CNNM1: variants seen among roughly 807,000 people sequenced by gnomAD.
CNNM1 encodes cyclin and CBS domain divalent metal cation transport mediator 1.
Under a neutral mutation model 78.8 loss-of-function variants are expected in CNNM1, and 44 were observed. The observed-to-expected ratio is 0.56, with a 90% confidence interval of 0.44 to 0.72. The LOEUF is 0.72. CNNM1 is among the 30% of genes least tolerant of loss of function. The pLI is 0.00. For missense variants in CNNM1, 1,101 were observed against 1,292.2 expected, an observed-to-expected ratio of 0.85 and a Z score of 2.27; for synonymous variants, 584 against 581.5, an observed-to-expected ratio of 1.00 and a Z score of -0.06.
At chr10:99,343,164 T>C (rs934097440) in intron 1 of CNNM1, among the ~76,000 whole-genome samples, 2 of 152,076 alleles carry the variant, frequency 1.3e-5, no homozygotes, top group Non-Finnish European at 2.9e-5. Flanking sequence ...GGTTTCACCA[T>C]GTTGGCCAGG....
chr10:99,345,882 TG>T (rs1208966287), intron 1 of CNNM1, among the ~76,000 whole-genome samples: 1 of 152,136 alleles, frequency 6.6e-6, no homozygotes, highest in Non-Finnish European at 1.5e-5. Context: ...TTTTAAGAGA[TG>T]GGGGTCTTAC....
At chr10:99,381,005 A>G (rs1431004209) in intron 7 of CNNM1, among the ~76,000 whole-genome samples, 1 of 152,196 alleles carries the variant, frequency 6.6e-6, no homozygotes, top group Non-Finnish European at 1.5e-5. Context: ...CTTTGCTGCA[A>G]TCAGTGCAGC....
chr10:99,332,517 A>G (rs1422960320), intron 1 of CNNM1, among the ~76,000 whole-genome samples: 1 of 152,076 alleles, frequency 6.6e-6, no homozygotes, highest in African/African-American at 2.4e-5. Flanking sequence ...CCCTGTCTCA[A>G]AAAAGAAAGA....
chr10:99,350,398 A>G (rs565835029), intron 1 of CNNM1, among the ~76,000 whole-genome samples: 2 of 152,338 alleles, frequency 1.3e-5, no homozygotes, highest in African/African-American at 4.8e-5. Flanking sequence ...ACAGTTACCA[A>G]AGTGCTGTAG....
intron 6 of CNNM1, among the ~76,000 whole-genome samples, chr10:99,376,608 C>T (rs957014455): frequency 4.6e-5 from 7 of 152,128 alleles, no homozygotes; most frequent in African/African-American, 1.7e-4. Context: ...AAATACCTCA[C>T]CATGGTAGAG....
Position 99,362,261 on chromosome 10 carries a change from G to A in CNNM1, c.1893G>A (p.Glu631=). 3.7e-6 allele frequency: 6 copies of A among 1,613,766 alleles called. No homozygotes were observed. Among genetic ancestry groups the A allele is most frequent in the Non-Finnish European group, 5.1e-6 (6 of 1,179,788 alleles). The change falls in exon 4 of 11, where the codon GAG becomes GAA. Residue 631 remains glutamate (E), a synonymous_variant. Coordinates refer to ENST00000356713, the MANE Select transcript of CNNM1 (RefSeq NM_020348.3). ...VEPFKSLYLS[E]KILLRLLKHP... is the part of the protein sequence containing the mutation. ...CCTTTAAGTCTCTGTACCTTTCGGA[G>A]AAGATCCTGCTCCGGCTCCTGAAAC...
intron 1 of CNNM1, among the ~76,000 whole-genome samples, chr10:99,356,546 C>CAGAAAGAA (rs1371548762): frequency 3.7e-4 from 18 of 48,162 alleles, no homozygotes; most frequent in African/African-American, 8.2e-4. Context: ...GAAAGACAGA[C>CAGAAAGAA]AGACAGACAG....
intron 1 of CNNM1, among the ~76,000 whole-genome samples, chr10:99,354,814 C>T (rs2031075607): frequency 6.6e-6 from 1 of 152,014 alleles, no homozygotes; most frequent in Non-Finnish European, 1.5e-5. Context: ...TACAGTTAGA[C>T]AGGGAAGAGC....
intron 1 of CNNM1, among the ~76,000 whole-genome samples, chr10:99,354,325 G>C (rs897747918): frequency 2.6e-5 from 4 of 152,162 alleles, no homozygotes; most frequent in Non-Finnish European, 5.9e-5. Context: ...GATAATTTTA[G>C]AACCACTGAT....
chr10:99,384,974 C>T (rs1057040207), intron 7 of CNNM1, among the ~76,000 whole-genome samples: 8 of 150,624 alleles, frequency 5.3e-5, no homozygotes, highest in African/African-American at 1.2e-4. Context: ...GAGCCTGAAA[C>T]GAGAATTGCT....
intron 3 of CNNM1, 30 bp downstream of exon 3, chr10:99,361,005 A>G (rs1377330572): frequency 6.4e-7 from 1 of 1,573,388 alleles, no homozygotes; most frequent in South Asian, 1.2e-5. Flanking sequence ...CAGAGAAGCT[A>G]AAACAGAATC....
intron 1 of CNNM1, among the ~76,000 whole-genome samples, chr10:99,338,341 G>A (rs1198914024): frequency 6.7e-6 from 1 of 149,778 alleles, no homozygotes; most frequent in African/African-American, 2.5e-5. Flanking sequence ...TGTCGCCCAG[G>A]CTGGAGTGCA....
intron 5 of CNNM1, 36 bp from the exon 6 acceptor site, chr10:99,364,919 T>C: frequency 1.3e-6 from 2 of 1,599,328 alleles, no homozygotes; most frequent in Non-Finnish European, 1.7e-6. Flanking sequence ...GTTTTCTGAG[T>C]TGCCTCTGAA....
intron 7 of CNNM1, among the ~76,000 whole-genome samples, 161 bp from the exon 8 acceptor site, chr10:99,387,659 G>A (rs1285060700): frequency 1.3e-5 from 2 of 152,212 alleles, no homozygotes; most frequent in Non-Finnish European, 2.9e-5. Flanking sequence ...GTCCCTGCTG[G>A]ACTGCTACAG....
chr10:99,390,527 G>A lies in CNNM1; in HGVS notation c.2776+120G>A, dbSNP rs1313805527. On this transcript the variant is annotated intron_variant, in intron 10 of 10. Transcript: ENST00000356713. ...GACTCCTCTTAGAAACCCTAATGAG[G>A]TACAATTGTGGAAATCCGCAGAAGG... is the stretch of plus-strand genomic sequence containing the variant. The A allele has an allele frequency of 1.8e-5, 13 of 715,638 alleles. No individual in the cohort carries two copies. The East Asian group carries it at 3.0e-4, about 17-fold the overall frequency. 44.3% of individuals were successfully genotyped at this position (715,638 alleles called of 1,614,324 possible). A position where few individuals can be genotyped will look rare whatever the true frequency, so the allele number is the denominator to read the frequency against.
chr10:99,337,026 G>C (rs2030219121), intron 1 of CNNM1, among the ~76,000 whole-genome samples: 1 of 152,158 alleles, frequency 6.6e-6, no homozygotes, highest in Non-Finnish European at 1.5e-5. Flanking sequence ...TGTTTCATTA[G>C]CTGTAAAATG....
chr10:99,335,269 T>A (rs138967160), intron 1 of CNNM1, among the ~76,000 whole-genome samples: 3 of 152,386 alleles, frequency 2.0e-5, no homozygotes, highest in African/African-American at 7.2e-5. Flanking sequence ...TATGGGATTT[T>A]ATCTTTTTAC....
intron 1 of CNNM1, among the ~76,000 whole-genome samples, chr10:99,349,222 C>T (rs1053736383): frequency 5.3e-5 from 8 of 152,282 alleles, no homozygotes; most frequent in African/African-American, 1.9e-4. Context: ...TTCTTAACTG[C>T]AAGTGCCCAT....
At position 99,362,533 on chromosome 10, in the gene CNNM1, T is replaced by G. The variant is rs574337096; in HGVS notation, c.2028+137T>G. The G allele has an allele frequency of 5.4e-5, 43 of 799,450 alleles. No homozygotes were observed. The East Asian group carries it at 1.2e-3, about 21-fold the overall frequency. 49.5% of individuals were successfully genotyped at this position (799,450 alleles called of 1,614,324 possible). On this transcript the variant is annotated intron_variant, in intron 4 of 10. Coordinates refer to ENST00000356713, the MANE Select transcript of CNNM1 (RefSeq NM_020348.3). ...GCAACAAGGCCAGCTGGGTGGACAT[T>G]TCTTCATGACCCACAGGAGGGGCCT... is the stretch of plus-strand genomic sequence containing the variant.
Sources: gnomAD v4.1 joint callset for allele counts (sites outside exome capture counted in the v4.1 genomes callset) on GRCh38, gnomAD v4.1.1 for gene constraint, MANE v1.5 for transcripts, NCBI Gene and HGNC (gene_info 2026-07-23, HGNC 2026-07-21) for gene names.